C6: variants seen among roughly 807,000 people sequenced by gnomAD.
The protein encoded by C6 is complement C6.
A neutral mutation model predicts 112.9 loss-of-function variants in C6; 101 were observed. The observed-to-expected ratio is 0.89, with a 90% CI of 0.76 to 1.06. The LOEUF (loss-of-function observed/expected upper bound fraction) is 1.06. C6 is among the 50% of genes least tolerant of loss of function. The pLI is 0.00. For synonymous variants in C6, 431 were observed against 384.1 expected, an observed-to-expected ratio of 1.12 and a Z score of -1.43; for missense variants, 1,202 against 1,104.6, an observed-to-expected ratio of 1.09 and a Z score of -1.25.
chr5:41,240,769 C>A (rs185373979), intron 1 of C6, among the ~76,000 whole-genome samples: 1 of 152,036 alleles, frequency 6.6e-6, no homozygotes, highest in Non-Finnish European at 1.5e-5. Context: ...CCAGAGTGAC[C>A]GATGGGGTGG....
intron 1 of C6, among the ~76,000 whole-genome samples, chr5:41,224,135 CTAAT>C (rs1300622320): frequency 6.6e-6 from 1 of 152,090 alleles, no homozygotes; most frequent in African/African-American, 2.4e-5. Flanking sequence ...CTGAATCAAA[CTAAT>C]TAACATATCT....
chr5:41,235,119 A>G (rs1256323699), intron 1 of C6, among the ~76,000 whole-genome samples: 1 of 142,688 alleles, frequency 7.0e-6, no homozygotes, highest in East Asian at 2.1e-4. Flanking sequence ...GTACATGTGC[A>G]CATTGTGCAG....
intron 1 of C6, among the ~76,000 whole-genome samples, chr5:41,232,280 C>T (rs1280822056): frequency 1.3e-5 from 2 of 152,070 alleles, no homozygotes; most frequent in Non-Finnish European, 2.9e-5. Flanking sequence ...GTAGCCCTTA[C>T]TCACTTCTGT....
intron 5 of C6, among the ~76,000 whole-genome samples, chr5:41,187,227 C>T (rs564985463): frequency 2.0e-5 from 3 of 152,194 alleles, no homozygotes; most frequent in Admixed American, 2.0e-4. Context: ...TTCAGTACAC[C>T]CATCCCTTCT....
chr5:41,195,262 C>T (rs1039402840), intron 5 of C6, among the ~76,000 whole-genome samples: 2 of 152,168 alleles, frequency 1.3e-5, no homozygotes, highest in Non-Finnish European at 2.9e-5. Context: ...TGCTTAACTT[C>T]TTTCCTTTTG....
At chr5:41,241,455 A>G (rs1246403892) in intron 1 of C6, among the ~76,000 whole-genome samples, 1 of 152,212 alleles carries the variant, frequency 6.6e-6, no homozygotes, top group Non-Finnish European at 1.5e-5. Flanking sequence ...GGAGGAATCA[A>G]AAAATATTGT....
chr5:41,206,329 C>T (rs145050618), intron 1 of C6, among the ~76,000 whole-genome samples: 210 of 152,316 alleles, frequency 1.4e-3, no homozygotes, highest in African/African-American at 4.8e-3. Context: ...TCCAAAGGAA[C>T]GCAGCTCCTT....
rs1467548040 is a variant in C6, at chr5:41,159,104, T to C, written c.1834A>G (p.Thr612Ala). The change falls in exon 12 of 18, where the codon ACA becomes GCA. Residue 612 changes from threonine (T) to alanine (A), a missense_variant. Physicochemically the swap from Thr to Ala is moderately conservative, Grantham distance 58. Coordinates refer to ENST00000337836, the MANE Select transcript of C6 (RefSeq NM_000065.5). Reference protein sequence around the residue: ...EGEKRQEEDCTFSIMENNGQP... With the variant: ...EGEKRQEEDCAFSIMENNGQP... ...TACTTGTTTTCCATGATTGAAAATG[T>C]GCAGTCTTCCTCTTGTCGCTTCTCC... 6.2e-7 allele frequency: 1 copy of C among 1,613,770 alleles called. No individual in the cohort carries two copies. Among genetic ancestry groups the C allele is most frequent in the Admixed American group, 1.7e-5 (1 of 59,996 alleles).
chr5:41,170,482 T>A (rs1242975606), intron 9 of C6, among the ~76,000 whole-genome samples: 1 of 151,994 alleles, frequency 6.6e-6, no homozygotes, highest in African/African-American at 2.4e-5. Context: ...TAAATTATTT[T>A]ACTACATGAT....
chr5:41,206,758 C>G (rs1751468891), intron 1 of C6, among the ~76,000 whole-genome samples: 1 of 152,134 alleles, frequency 6.6e-6, no homozygotes, highest in African/African-American at 2.4e-5. Context: ...GATTGGTGTA[C>G]CTGAAAGTGA....
chr5:41,236,745 A>G (rs1412365663), intron 1 of C6, among the ~76,000 whole-genome samples: 1 of 141,798 alleles, frequency 7.1e-6, no homozygotes, highest in Non-Finnish European at 1.5e-5. Context: ...ACTGAAGGAA[A>G]TAGAGACACA....
At chr5:41,207,069 A>G (rs1283698920) in intron 1 of C6, among the ~76,000 whole-genome samples, 2 of 152,232 alleles carry the variant, frequency 1.3e-5, no homozygotes, top group Non-Finnish European at 2.9e-5. Context: ...AGGGGCCAAT[A>G]TACAACATTC....
chr5:41,215,522 G>A (rs1056136730), upstream of C6, among the ~76,000 whole-genome samples: 5 of 152,162 alleles, frequency 3.3e-5, no homozygotes, highest in Admixed American at 3.3e-4. Flanking sequence ...CTGCTATGAA[G>A]TTTACTGGCA....
At chr5:41,227,578 T>C (rs1561190534) in intron 1 of C6, among the ~76,000 whole-genome samples, 1 of 152,134 alleles carries the variant, frequency 6.6e-6, no homozygotes, top group Non-Finnish European at 1.5e-5. Flanking sequence ...GGTAGTTTTA[T>C]AGTTTCAGAG....
intron 5 of C6, among the ~76,000 whole-genome samples, chr5:41,189,980 T>C (rs1395336840): frequency 6.6e-6 from 1 of 152,210 alleles, no homozygotes; most frequent in African/African-American, 2.4e-5. Context: ...ATTTTGTATA[T>C]GTAACATGTT....
chr5:41,191,924 A>G (rs1411403226), intron 5 of C6, among the ~76,000 whole-genome samples: 4 of 152,108 alleles, frequency 2.6e-5, no homozygotes, highest in Admixed American at 1.3e-4. Flanking sequence ...TTGCTCCAGC[A>G]AGGACTTACA....
At chr5:41,260,615 C>CA (rs983973695) in intron 1 of C6, among the ~76,000 whole-genome samples, 7 of 149,954 alleles carry the variant, frequency 4.7e-5, no homozygotes, top group South Asian at 2.1e-4. Flanking sequence ...ACTAAAAATA[C>CA]AAAAAAAAAT....
At chr5:41,169,236 G>A (rs180825464) in intron 9 of C6, among the ~76,000 whole-genome samples, 12 of 152,194 alleles carry the variant, frequency 7.9e-5, no homozygotes, top group Non-Finnish European at 2.9e-5. Flanking sequence ...TTCTCCCTGT[G>A]ACTCTAGGAT....
chr5:41,235,058 C>CT (rs11340018), intron 1 of C6, among the ~76,000 whole-genome samples: 139 of 124,824 alleles, frequency 1.1e-3, no homozygotes, highest in East Asian at 2.6e-3. Context: ...CATTCTCATT[C>CT]TTTTTTTTTT....
Sources: allele counts gnomAD v4.1 joint callset (sites outside exome capture counted in the v4.1 genomes callset), GRCh38; gene constraint gnomAD v4.1.1; transcripts MANE v1.5; gene names NCBI Gene and HGNC (gene_info 2026-07-23, HGNC 2026-07-21).